The following SORCS2 variants were observed in gnomAD, a reference collection of about 807,000 sequenced individuals.
The protein encoded by SORCS2 is VPS10 domain-containing receptor SorCS2.
SORCS2 carries 100 observed loss-of-function variants against 141.6 expected under a neutral mutation model. The observed-to-expected ratio is 0.71, with a 90% confidence interval of 0.60 to 0.83. The LOEUF is 0.83. Ranked by LOEUF, SORCS2 falls within the 40% of genes least tolerant of loss-of-function variation. The pLI, the probability that SORCS2 is intolerant of heterozygous loss-of-function variation, is 0.00. For missense variants in SORCS2, 1,646 were observed against 1,560.2 expected, an observed-to-expected ratio of 1.05 and a Z score of -0.93; for synonymous variants, 789 against 676.9, an observed-to-expected ratio of 1.17 and a Z score of -2.57.
chr4:7,686,050 C>G (rs989936399), intron 10 of SORCS2, among the ~76,000 whole-genome samples: 1 of 152,172 alleles, frequency 6.6e-6, no homozygotes, highest in African/African-American at 2.4e-5. Context: ...CATTGGGATC[C>G]CACACGTGCG....
chr4:7,437,058 G>A (rs1439564421), intron 2 of SORCS2, among the ~76,000 whole-genome samples: 1 of 152,112 alleles, frequency 6.6e-6, no homozygotes. Context: ...TCTTACAGAC[G>A]CCAACTGGGA....
At chr4:7,354,363 C>T (rs1721123952) in intron 1 of SORCS2, among the ~76,000 whole-genome samples, 1 of 152,122 alleles carries the variant, frequency 6.6e-6, no homozygotes, top group African/African-American at 2.4e-5. Context: ...GCCAGGTACC[C>T]GCTGGGGGCT....
chr4:7,314,048 C>T (rs569955877), intron 1 of SORCS2, among the ~76,000 whole-genome samples: 37 of 152,344 alleles, frequency 2.4e-4, no homozygotes, highest in African/African-American at 8.4e-4. Context: ...GAAACTTTCC[C>T]AGAGGCTGGA....
chr4:7,302,262 G>T (rs1224291031), intron 1 of SORCS2, among the ~76,000 whole-genome samples: 1 of 152,342 alleles, frequency 6.6e-6, no homozygotes, highest in East Asian at 1.9e-4. Context: ...GGAGTCAGAC[G>T]CAGTGCCTGC....
Position 7,737,023 on chromosome 4 carries a change from C to T in SORCS2, c.3312-46C>T, listed in dbSNP as rs373064090. On this transcript the variant is annotated intron_variant, in intron 25 of 26. Transcript: ENST00000507866. Reference sequence around the variant, plus strand: ...GCGGAAGGCTCCAGGGACAGGCGGCCTGGGAAGCCCCTCCAAGCTGAGCCG... The same window carrying T: ...GCGGAAGGCTCCAGGGACAGGCGGCTTGGGAAGCCCCTCCAAGCTGAGCCG... 6.7e-4 allele frequency: 1,035 copies of T among 1,547,576 alleles called. 1 individual carries two copies. The highest frequency in any genetic ancestry group is 8.7e-4 in the Non-Finnish European group (999 of 1,145,648).
chr4:7,408,527 C>G (rs1212877088), intron 2 of SORCS2, among the ~76,000 whole-genome samples: 2 of 152,046 alleles, frequency 1.3e-5, no homozygotes, highest in African/African-American at 4.8e-5. Flanking sequence ...CTTTATAAAT[C>G]CTCTCTTTGT....
intron 2 of SORCS2, chr4:7,434,636 C>A (rs201099591): frequency 6.2e-7 from 1 of 1,613,288 alleles, no homozygotes; most frequent in East Asian, 2.2e-5. Flanking sequence ...GACTCCGTGG[C>A]GTCAGGGTTC....
At chr4:7,665,055 CAG>C (rs1303052263) in intron 7 of SORCS2, among the ~76,000 whole-genome samples, 3 of 152,212 alleles carry the variant, frequency 2.0e-5, no homozygotes, top group Non-Finnish European at 4.4e-5. Flanking sequence ...GGCCCTGAGA[CAG>C]AGTCTGCGTC....
chr4:7,682,021 T>C (rs1343016504), intron 9 of SORCS2, among the ~76,000 whole-genome samples: 1 of 152,194 alleles, frequency 6.6e-6, no homozygotes, highest in Non-Finnish European at 1.5e-5. Flanking sequence ...AATAAGGAAC[T>C]TGCAGGAAAA....
At chr4:7,570,570 T>A (rs1715321811) in intron 3 of SORCS2, among the ~76,000 whole-genome samples, 1 of 152,198 alleles carries the variant, frequency 6.6e-6, no homozygotes, top group Non-Finnish European at 1.5e-5. Flanking sequence ...GCCCTGTAGA[T>A]CCGCCACCCT....
intron 2 of SORCS2, among the ~76,000 whole-genome samples, chr4:7,475,941 C>T (rs997039864): frequency 7.9e-5 from 12 of 152,318 alleles, no homozygotes; most frequent in East Asian, 1.9e-4. Flanking sequence ...TCGGCTGTGA[C>T]GAAGGACTCC....
intron 1 of SORCS2, among the ~76,000 whole-genome samples, chr4:7,197,322 G>C (rs11727415): frequency 6.6e-6 from 1 of 152,108 alleles, no homozygotes; most frequent in Non-Finnish European, 1.5e-5. Flanking sequence ...GGACTTCAAC[G>C]TATGGATTTT....
intron 10 of SORCS2, among the ~76,000 whole-genome samples, chr4:7,687,478 T>C (rs561307462): frequency 1.1e-4 from 17 of 152,276 alleles, no homozygotes; most frequent in East Asian, 1.9e-4. Context: ...CAGGTTTTCA[T>C]TGGGGCCCAT....
At chr4:7,383,888 G>C (rs566296663) in intron 1 of SORCS2, among the ~76,000 whole-genome samples, 4 of 152,224 alleles carry the variant, frequency 2.6e-5, no homozygotes, top group African/African-American at 9.6e-5. Flanking sequence ...AGGTGGAAAA[G>C]TCTACCAAGA....
At chr4:7,684,373 C>T (rs1041123838) in intron 10 of SORCS2, among the ~76,000 whole-genome samples, 6 of 152,198 alleles carry the variant, frequency 3.9e-5, no homozygotes, top group Admixed American at 6.5e-5. Flanking sequence ...AAGGAAGAGC[C>T]AATCCCTTCC....
intron 1 of SORCS2, among the ~76,000 whole-genome samples, chr4:7,251,479 G>C (rs991641665): frequency 1.3e-5 from 2 of 152,208 alleles, no homozygotes; most frequent in Admixed American, 6.5e-5. Flanking sequence ...ACTGTAAGCC[G>C]TAATGTGCTG....
rs1188002213 is a variant in SORCS2, at chr4:7,630,086, C to T, written c.649-8242C>T. On this transcript the variant is annotated intron_variant, in intron 3 of 26. Transcript: ENST00000507866. ...GCAGCCACCGGCATGTCCCCCTGGG[C>T]CCTACCCTGCAGGCAGTCAGAAGTT... 3.3e-5 allele frequency among the ~76,000 whole-genome samples: 5 copies of T among 152,192 alleles called. No individual in the cohort carries two copies. The East Asian group carries it at 9.7e-4, about 29-fold the overall frequency.
intron 14 of SORCS2, 137 bp from the exon 15 acceptor site, chr4:7,712,593 GATC>G: frequency 1.6e-6 from 2 of 1,276,106 alleles, no homozygotes; most frequent in Non-Finnish European, 1.1e-6. Context: ...GCCTCGCTCT[GATC>G]TCCAGCAAGG....
intron 2 of SORCS2, among the ~76,000 whole-genome samples, chr4:7,514,752 G>A (rs944572284): frequency 3.9e-5 from 6 of 152,136 alleles, no homozygotes; most frequent in Admixed American, 3.3e-4. Flanking sequence ...GAGCCTTGGT[G>A]TCGGGGTTTT....
Sources: allele counts gnomAD v4.1 joint callset (sites outside exome capture counted in the v4.1 genomes callset), GRCh38; gene constraint gnomAD v4.1.1; transcripts MANE v1.5; gene names NCBI Gene and HGNC (gene_info 2026-07-23, HGNC 2026-07-21).